MRPL10: variants seen among roughly 807,000 people sequenced by gnomAD.
MRPL10 encodes the protein mitochondrial ribosomal protein L10.
A neutral mutation model predicts 19.8 loss-of-function variants in MRPL10; 14 were observed. The ratio of observed to expected loss-of-function variants is 0.71; its 90% CI spans 0.47 to 1.11. MRPL10 has a LOEUF of 1.11. Among genes scored for constraint, MRPL10 ranks in the 50% least tolerant of loss-of-function variants. The pLI is 0.00. For missense variants in MRPL10, 318 were observed against 339.6 expected, an observed-to-expected ratio of 0.94 and a Z score of 0.50; for synonymous variants, 129 against 139.2, an observed-to-expected ratio of 0.93 and a Z score of 0.52.
In MRPL10 at chr17:47,830,071, C is replaced by T. The variant is rs543490084; in HGVS notation, c.52+1389G>A. 4.6e-5 allele frequency among the ~76,000 whole-genome samples: 7 copies of T among 152,296 alleles called. No homozygotes were observed. In the East Asian group the frequency reaches 1.3e-3, roughly 29 times the overall value. ...AGACGGGTCACAAATAGTGTTCTAACAAGCCCTCCTGGTGATGCTGACGCA... is the reference window on the plus strand; with the variant it reads ...AGACGGGTCACAAATAGTGTTCTAATAAGCCCTCCTGGTGATGCTGACGCA... On this transcript the variant is annotated intron_variant, in intron 1 of 4. Coordinates refer to ENST00000351111, the MANE Select transcript of MRPL10 (RefSeq NM_145255.4).
At position 47,826,789 on chromosome 17, in the gene MRPL10, C is replaced by T. The variant is rs915080291; in HGVS notation, c.388-8G>A. 6.2e-7 allele frequency: 1 copy of T among 1,614,070 alleles called. No homozygotes were observed. Among genetic ancestry groups the T allele is most frequent in the Admixed American group, 1.7e-5 (1 of 59,996 alleles). On this transcript the variant is annotated splice_polypyrimidine_tract_variant and splice_region_variant and intron_variant, in intron 3 of 4. Transcript: ENST00000351111. The stretch of plus-strand genomic sequence containing the variant: ...CAGGAAGGGCTTCAGGACCTGGGAA[C>T]AGCAGGGAAAAATGGCTTATCGGGG...
At chr17:47,826,558 G>T in intron 4 of MRPL10, 79 bp downstream of exon 4, 2 of 1,560,540 alleles carry the variant, frequency 1.3e-6, no homozygotes, top group Non-Finnish European at 1.7e-6. Flanking sequence ...GAACGTTCAC[G>T]GTTTTACCAA....
rs1449548636 is a variant in MRPL10 at position 47,824,207 on chromosome 17, A to T, written c.784T>A (p.Ter262LysextTer67). Residue 262 changes from the stop codon to lysine, a stop_lost, in exon 5 of 5, where the codon TAG becomes AAG. Transcript: ENST00000351111. ...GCAGGGCTGGCTAAACAGGCTGGCT[A>T]CGAGTCCGGAACAGTGTCAGGATCT... Reference protein sequence around the residue: ...KPDPDTVPDS* With the variant: ...KPDPDTVPDSK The T allele has an allele frequency of 1.9e-6, 3 of 1,614,206 alleles. No individual in the cohort carries two copies. The highest frequency in any genetic ancestry group is 2.7e-5 in the African/African-American group (2 of 75,064).
At position 47,827,124 on chromosome 17, in the gene MRPL10, AT is replaced by A; in HGVS notation, c.302del (p.Asn101MetfsTer4). 1 of 1,614,164 alleles carries A rather than the reference AT, an allele frequency of 6.2e-7. No individual in the cohort carries two copies. The highest frequency in any genetic ancestry group is 8.5e-7 in the Non-Finnish European group (1 of 1,179,998). On this transcript the variant is annotated frameshift_variant, in exon 3 of 5. Transcript: ENST00000351111. LOFTEE classifies it high-confidence loss of function. ...GCTTGTCCTCTGCACTCAGAGCCAC[AT>A]TCTGGCAGACGGCTATCATTCGGTT... ...QDNRMIAVCQ[N>X]VALSAEDKLL... is the part of the protein sequence containing the mutation.
In MRPL10 at chr17:47,827,089, C is replaced by T. The variant is rs760722918; in HGVS notation, c.338G>A (p.Arg113Gln). The change falls in exon 3 of 5, where the codon CGA becomes CAA. Residue 113 changes from arginine (R) to glutamine (Q), a missense_variant. Arg to Gln is a conservative substitution (Grantham distance 43, BLOSUM62 1). Transcript: ENST00000351111. ...GATCTTGTGTTTCCGCAGCTGGTGTCGCATAAGAAGCTTGTCCTCTGCACT... is the reference window on the plus strand; with the variant it reads ...GATCTTGTGTTTCCGCAGCTGGTGTTGCATAAGAAGCTTGTCCTCTGCACT... ...ALSAEDKLLM[R>Q]HQLRKHKILM... 1.4e-5 allele frequency: 22 copies of T among 1,613,854 alleles called. No individual in the cohort carries two copies. Among genetic ancestry groups the T allele is most frequent in the South Asian group, 7.7e-5 (7 of 91,076 alleles).
At chr17:47,824,539 C>T in intron 4 of MRPL10, 81 bp from the exon 5 acceptor site, 4 of 1,470,494 alleles carry the variant, frequency 2.7e-6, no homozygotes, top group Non-Finnish European at 3.6e-6. Flanking sequence ...TAGTAACTTG[C>T]TCTCCATTGC....
At position 47,828,668 on chromosome 17, in the gene MRPL10, G is replaced by C. The variant is rs768481953; in HGVS notation, c.55C>G (p.Arg19Gly). 2.0e-6 allele frequency: 3 copies of C among 1,511,234 alleles called. No individual in the cohort carries two copies. The highest frequency in any genetic ancestry group is 1.4e-5 in the South Asian group (1 of 73,660). 93.6% of individuals were successfully genotyped at this position (1,511,234 alleles called of 1,614,324 possible). A position where few individuals can be genotyped will look rare whatever the true frequency, so the allele number is the denominator to read the frequency against. The change falls in exon 2 of 5, where the codon CGG (arginine) becomes GGG (glycine). Residue 19 changes from arginine to glycine, a missense_variant and splice_region_variant. Coordinates refer to ENST00000351111, the MANE Select transcript of MRPL10 (RefSeq NM_145255.4). ...LRGGLLPQAG[R>G]LPTLQTVRYG... ...CGGACAGTCTGGAGGGTAGGCAGCC[G>C]GCCTGGGAGGGCATATAGCAACATG...
At chr17:47,825,042 G>A (rs1206794203) in intron 4 of MRPL10, among the ~76,000 whole-genome samples, 4 of 137,440 alleles carry the variant, frequency 2.9e-5, no homozygotes, top group Non-Finnish European at 6.3e-5. Flanking sequence ...AAAGAATCAG[G>A]ATGAGGTTGG....
intron 1 of MRPL10, among the ~76,000 whole-genome samples, chr17:47,830,618 G>A (rs1446083448): frequency 1.3e-5 from 2 of 151,948 alleles, no homozygotes; most frequent in Non-Finnish European, 2.9e-5. Flanking sequence ...CGATTCTCAC[G>A]CCTCAGCCTC....
chr17:47,829,479 T>A (rs902722877), intron 1 of MRPL10: 1 of 152,198 alleles, frequency 6.6e-6, no homozygotes, highest in African/African-American at 2.4e-5. Flanking sequence ...AATAGAATTT[T>A]ATAAAACACA....
rs4195 is a variant in MRPL10 at position 47,823,529 on chromosome 17, GAACT to G, written c.*672_*675del. 41,235 of 152,328 alleles carry G rather than the reference GAACT, an allele frequency of 0.27. 6,903 individuals are homozygous for G. The highest frequency in any genetic ancestry group is 0.38 in the Non-Finnish European group (25,787 of 68,132). 9.4% of individuals were successfully genotyped at this position (152,328 alleles called of 1,614,324 possible). On this transcript the variant is annotated 3_prime_UTR_variant, in exon 5 of 5. Transcript: ENST00000351111. ...TCACAGCGTACACCTCGAGGGTGGA[GAACT>G]AACATCCAAGCACACCTGGATGGTG...
chr17:47,824,396 T>C lies in MRPL10; in HGVS notation c.595A>G (p.Ser199Gly). Reference sequence around the variant, plus strand: ...AGCTCCCCCTGCACCAGGGGCAGGCTGGGGAGCTTGGAGTAGTTGATAAAG... The same window carrying C: ...AGCTCCCCCTGCACCAGGGGCAGGCCGGGGAGCTTGGAGTAGTTGATAAAG... ...QGFINYSKLP[S>G]LPLVQGELVG... is the part of the protein sequence containing the mutation. The change falls in exon 5 of 5, where the codon AGC (serine) becomes GGC (glycine). Residue 199 changes from serine to glycine, a missense_variant. Physicochemically the swap from Ser to Gly is moderately conservative, Grantham distance 56 (BLOSUM62 0). Transcript: ENST00000351111. The C allele has an allele frequency of 1.2e-6, 2 of 1,600,772 alleles. No homozygotes were observed. Among genetic ancestry groups the C allele is most frequent in the Non-Finnish European group, 1.7e-6 (2 of 1,172,166 alleles).
intron 4 of MRPL10, 39 bp downstream of exon 4, chr17:47,826,598 T>C (rs557818152): frequency 1.2e-6 from 2 of 1,610,012 alleles, no homozygotes; most frequent in Admixed American, 1.7e-5. Flanking sequence ...AGCAGGCCCC[T>C]CTTCACCCCA....
rs1227038872 is a variant in MRPL10, at chr17:47,828,203, C to CAA, written c.222+296_222+297dup. On this transcript the variant is annotated intron_variant, in intron 2 of 4. Coordinates refer to ENST00000351111, the MANE Select transcript of MRPL10 (RefSeq NM_145255.4). ...GGGCAACAAGAGCGATACTCCATCT[C>CAA]AAAAAAAAAAAAAAAGATTGGAGAG... 8.5e-4 allele frequency: 140 copies of CAA among 164,570 alleles called. 1 individual carries two copies. The highest frequency in any genetic ancestry group is 4.4e-3 in the Middle Eastern group (2 of 458). The allele number at this position is 164,570 out of a possible 1,614,324, so 10.2% of individuals were successfully genotyped here.
intron 1 of MRPL10, 79 bp downstream of exon 1, chr17:47,831,381 G>C: frequency 6.5e-7 from 1 of 1,544,158 alleles, no homozygotes; most frequent in Non-Finnish European, 8.7e-7. Flanking sequence ...ATTATGGGAA[G>C]AATCAGTAGT....
intron 1 of MRPL10, chr17:47,831,253 G>C: frequency 7.2e-7 from 1 of 1,390,764 alleles, no homozygotes; most frequent in Non-Finnish European, 9.6e-7. Flanking sequence ...GCGAGGAGTG[G>C]TCCAGGCAAA....
chr17:47,824,504 T>C, intron 4 of MRPL10, 46 bp from the exon 5 acceptor site: 1 of 1,502,578 alleles, frequency 6.7e-7, no homozygotes, highest in Non-Finnish European at 8.8e-7. Flanking sequence ...ATTGCCTTTC[T>C]TCTCTGAAAA....
Position 47,828,753 on chromosome 17 carries a change from T to C in MRPL10, c.53-83A>G, listed in dbSNP as rs547506155. The C allele has an allele frequency of 8.0e-5, 93 of 1,159,146 alleles. No homozygotes were observed. In the South Asian group the frequency reaches 1.7e-3, roughly 21 times the overall value. The allele number at this position is 1,159,146 out of a possible 1,614,324, so 71.8% of individuals were successfully genotyped here. Reference sequence around the variant, plus strand: ...CCAAATGGAGAAAAAACACACCCTCTAGCAGAGAAAAGCACAGCTCACAGA... The same window carrying C: ...CCAAATGGAGAAAAAACACACCCTCCAGCAGAGAAAAGCACAGCTCACAGA... On this transcript the variant is annotated intron_variant, in intron 1 of 4. Coordinates refer to ENST00000351111, the MANE Select transcript of MRPL10 (RefSeq NM_145255.4).
In MRPL10 at chr17:47,824,261, CCTT is replaced by C. The variant is rs1485335936; in HGVS notation, c.727_729del (p.Lys243del). 1.3e-5 allele frequency: 21 copies of C among 1,614,044 alleles called. No homozygotes were observed. The highest frequency in any genetic ancestry group is 4.0e-5 in the African/African-American group (3 of 74,912). ...TTCCCATTGGCCGACATGACAGAAT[CCTT>C]CTCGCGTTGCTCTCTGATGTACTGG... On this transcript the variant is annotated inframe_deletion, in exon 5 of 5. Coordinates refer to ENST00000351111, the MANE Select transcript of MRPL10 (RefSeq NM_145255.4).
Sources: gnomAD v4.1 joint callset for allele counts (sites outside exome capture counted in the v4.1 genomes callset) on GRCh38, gnomAD v4.1.1 for gene constraint, MANE v1.5 for transcripts, NCBI Gene and HGNC (gene_info 2026-07-23, HGNC 2026-07-21) for gene names.